SEZ6L: variants seen among roughly 807,000 people sequenced by gnomAD.
SEZ6L encodes the protein seizure 6-like protein.
In SEZ6L, 37 loss-of-function variants were observed where a neutral mutation model predicts 106.2. That is an observed-to-expected ratio of 0.35 (90% CI 0.27 to 0.46). The LOEUF is 0.46. Among genes scored for constraint, SEZ6L ranks in the 20% least tolerant of loss-of-function variants. The pLI, the probability that SEZ6L is intolerant of heterozygous loss-of-function variation, is 1.00. For synonymous variants in SEZ6L, 541 were observed against 570.4 expected (o/e 0.95, Z 0.73); for missense variants, 1,172 against 1,332.8 (o/e 0.88, Z 1.88).
intron 10 of SEZ6L, among the ~76,000 whole-genome samples, chr22:26,341,581 C>A (rs1180238656): frequency 6.6e-6 from 1 of 152,150 alleles, no homozygotes; most frequent in Non-Finnish European, 1.5e-5. Context: ...AACTCCAAAT[C>A]CATCTATCCA....
chr22:26,268,297 G>GA (rs1238463036), intron 1 of SEZ6L, among the ~76,000 whole-genome samples: 1 of 152,214 alleles, frequency 6.6e-6, no homozygotes, highest in Non-Finnish European at 1.5e-5. Flanking sequence ...CAGAAAAGTA[G>GA]ATAGAATTAG....
At chr22:26,310,570 T>C in intron 6 of SEZ6L, 100 bp from the exon 7 acceptor site, 2 of 1,312,082 alleles carry the variant, frequency 1.5e-6, no homozygotes, top group East Asian at 2.4e-5. Flanking sequence ...TGGGATCCGG[T>C]AATGAGGCTC....
rs367762508 is a variant in SEZ6L at position 26,334,293 on chromosome 22, C to G, written c.2016-6143C>G. Among the ~76,000 whole-genome samples the G allele has an allele frequency of 2.2e-4, 33 of 152,176 alleles. No homozygotes were observed. The East Asian group carries it at 3.9e-3, about 18-fold the overall frequency. On this transcript the variant is annotated intron_variant, in intron 9 of 16. Transcript: ENST00000248933. Reference sequence around the variant, plus strand: ...AATTGTTCCGCATTCTTCTCCTCACCCCCTAACCCTTGATAACCACCCATC... The same window carrying G: ...AATTGTTCCGCATTCTTCTCCTCACGCCCTAACCCTTGATAACCACCCATC...
chr22:26,243,753 G>T (rs558993915), intron 1 of SEZ6L, among the ~76,000 whole-genome samples: 13 of 152,206 alleles, frequency 8.5e-5, no homozygotes, highest in African/African-American at 2.2e-4. Context: ...AGAGGAGGAG[G>T]ACAGAGCTCT....
intron 2 of SEZ6L, among the ~76,000 whole-genome samples, chr22:26,293,599 T>G (rs1317914453): frequency 6.6e-6 from 1 of 152,106 alleles, no homozygotes; most frequent in Non-Finnish European, 1.5e-5. Context: ...AGCACTGGGA[T>G]TACAGGCATG....
intron 9 of SEZ6L, among the ~76,000 whole-genome samples, chr22:26,323,445 C>T (rs2082213412): frequency 2.0e-5 from 3 of 152,056 alleles, no homozygotes; most frequent in Non-Finnish European, 4.4e-5. Context: ...CCAGCCTGGG[C>T]AACAAAGCAA....
Position 26,351,127 on chromosome 22 carries a change from C to G in SEZ6L, c.2483C>G (p.Thr828Ser). 6.2e-7 allele frequency: 1 copy of G among 1,614,178 alleles called. No homozygotes were observed. Among genetic ancestry groups the G allele is most frequent in the Non-Finnish European group, 8.5e-7 (1 of 1,180,036 alleles). Reference sequence around the variant, plus strand: ...TCGGATCCTGTGCTGCTGGTGGGGACCACCATCCAATACACCTGCAACCCC... The same window carrying G: ...TCGGATCCTGTGCTGCTGGTGGGGAGCACCATCCAATACACCTGCAACCCC... ...LISDPVLLVG[T>S]TIQYTCNPGF... Residue 828 changes from threonine (T) to serine (S), a missense_variant, in exon 12 of 17, where the codon ACC becomes AGC. Transcript: ENST00000248933.
chr22:26,372,882 A>C (rs742237), intron 13 of SEZ6L, among the ~76,000 whole-genome samples: 74,595 of 152,066 alleles, frequency 0.49, 19,456 homozygotes, highest in East Asian at 0.94. Context: ...ACAGGAAAAC[A>C]GTTCCACCTC....
intron 12 of SEZ6L, among the ~76,000 whole-genome samples, chr22:26,360,740 G>A (rs1041122195): frequency 6.6e-6 from 1 of 152,150 alleles, no homozygotes. Flanking sequence ...AGACCACACT[G>A]GGCTGTAATG....
At chr22:26,260,494 T>C (rs886805392) in intron 1 of SEZ6L, among the ~76,000 whole-genome samples, 7 of 152,206 alleles carry the variant, frequency 4.6e-5, no homozygotes, top group Admixed American at 4.6e-4. Context: ...TGAGTAATAT[T>C]CCATCATATA....
At chr22:26,305,616 T>A (rs2081605013) in intron 5 of SEZ6L, among the ~76,000 whole-genome samples, 1 of 152,236 alleles carries the variant, frequency 6.6e-6, no homozygotes, top group Non-Finnish European at 1.5e-5. Context: ...CCTGTTTATA[T>A]CCTTCTTGAT....
chr22:26,346,479 A>G (rs1423135663), intron 10 of SEZ6L, among the ~76,000 whole-genome samples: 1 of 152,236 alleles, frequency 6.6e-6, no homozygotes, highest in Non-Finnish European at 1.5e-5. Flanking sequence ...TGTGTCATAG[A>G]TTATACCCCA....
chr22:26,283,270 C>T lies in SEZ6L; in HGVS notation c.95-9136C>T, dbSNP rs561552265. On this transcript the variant is annotated intron_variant, in intron 1 of 16. Transcript: ENST00000248933. The stretch of plus-strand genomic sequence containing the variant: ...CTTAAGAAATTATGTGAATGTAATC[C>T]CCAAAGATGCGTATTAATTGCAGTA... Among the ~76,000 whole-genome samples, 59 of 151,934 alleles carry T rather than the reference C, an allele frequency of 3.9e-4. 1 individual carries two copies. The highest frequency in any genetic ancestry group is 6.9e-4 in the Non-Finnish European group (47 of 68,000).
intron 9 of SEZ6L, among the ~76,000 whole-genome samples, chr22:26,338,951 A>G (rs1193710259): frequency 1.5e-5 from 2 of 129,676 alleles, no homozygotes; most frequent in Non-Finnish European, 1.6e-5. Context: ...CAATCCTCCC[A>G]CCTCAGCCTC....
chr22:26,347,299 G>A (rs1408769056), intron 10 of SEZ6L, among the ~76,000 whole-genome samples: 2 of 152,076 alleles, frequency 1.3e-5, no homozygotes, highest in African/African-American at 2.4e-5. Flanking sequence ...TTAAAAGAGT[G>A]TAAACCCTCG....
At chr22:26,300,082 C>T (rs1411597028) in intron 5 of SEZ6L, among the ~76,000 whole-genome samples, 1 of 152,152 alleles carries the variant, frequency 6.6e-6, no homozygotes, top group Non-Finnish European at 1.5e-5. Context: ...TTAATGATGT[C>T]AAGCATCTTT....
At chr22:26,336,029 T>C (rs575760729) in intron 9 of SEZ6L, among the ~76,000 whole-genome samples, 1 of 152,238 alleles carries the variant, frequency 6.6e-6, no homozygotes, top group South Asian at 2.1e-4. Context: ...TTATATAAGC[T>C]AGAGGTGGGA....
intron 9 of SEZ6L, among the ~76,000 whole-genome samples, chr22:26,338,730 C>CT (rs1053643493): frequency 1.3e-4 from 20 of 151,800 alleles, no homozygotes; most frequent in Admixed American, 6.6e-5. Flanking sequence ...CAGCTAATTT[C>CT]TTTTTTTAGT....
At chr22:26,361,971 G>T (rs528354318) in intron 12 of SEZ6L, among the ~76,000 whole-genome samples, 28 of 151,982 alleles carry the variant, frequency 1.8e-4, no homozygotes, top group African/African-American at 6.8e-4. Context: ...TTGGCACTGG[G>T]TTCTGTTCAT....
Sources: allele counts gnomAD v4.1 joint callset (sites outside exome capture counted in the v4.1 genomes callset), GRCh38; gene constraint gnomAD v4.1.1; transcripts MANE v1.5; gene names NCBI Gene and HGNC (gene_info 2026-07-23, HGNC 2026-07-21).